Variants in KAZN observed in about 807,000 individuals in gnomAD.
KAZN encodes the protein kazrin.
In KAZN, 40 loss-of-function variants were observed where a neutral mutation model predicts 87.4. That is an observed-to-expected ratio of 0.46 (90% CI 0.36 to 0.60). KAZN has a LOEUF of 0.60. KAZN is among the 20% of genes least tolerant of loss of function. KAZN has a pLI of 0.00. For missense variants in KAZN, 898 were observed against 1,073.9 expected, an observed-to-expected ratio of 0.84 and a Z score of 2.29; for synonymous variants, 466 against 458.3, an observed-to-expected ratio of 1.02 and a Z score of -0.22.
chr1:13,895,973 T>A (rs1639025349), intron 1 of KAZN, among the ~76,000 whole-genome samples: 1 of 148,078 alleles, frequency 6.8e-6, no homozygotes, highest in South Asian at 2.2e-4. Context: ...ACATAAACTA[T>A]CTCCTGTAAT....
At chr1:13,944,028 C>G (rs991785756) in intron 1 of KAZN, among the ~76,000 whole-genome samples, 2 of 152,162 alleles carry the variant, frequency 1.3e-5, no homozygotes, top group Non-Finnish European at 2.9e-5. Context: ...TGGCTATCTA[C>G]CCAAGAGGAA....
chr1:14,395,173 AAAGG>A (rs1369158099), intron 2 of KAZN, among the ~76,000 whole-genome samples: 2 of 144,340 alleles, frequency 1.4e-5, no homozygotes, highest in African/African-American at 2.5e-5. Flanking sequence ...GAGTAAAAGA[AAAGG>A]AAGAAAAGAG....
At chr1:14,919,818 T>A (rs12135456) in intron 1 of KAZN, among the ~76,000 whole-genome samples, 20,675 of 152,226 alleles carry the variant, frequency 0.14, 1,640 homozygotes, top group South Asian at 0.27. Context: ...ATATAAAAAC[T>A]TACCATCGTG....
At chr1:14,982,417 ATTTTTTTT>A (rs71000353) in intron 2 of KAZN, among the ~76,000 whole-genome samples, 58 of 64,832 alleles carry the variant, frequency 8.9e-4, no homozygotes, top group South Asian at 2.8e-3. Flanking sequence ...AGCACCTGAG[ATTTTTTTT>A]TTTTTTTTTT....
At chr1:13,941,232 TA>T (rs1386356814) in intron 1 of KAZN, among the ~76,000 whole-genome samples, 1 of 150,298 alleles carries the variant, frequency 6.7e-6, no homozygotes, top group Non-Finnish European at 1.5e-5. Flanking sequence ...TAAAAAGGAG[TA>T]GGGGGGAATA....
chr1:14,552,297 G>C (rs775292214), intron 2 of KAZN, among the ~76,000 whole-genome samples: 1 of 152,182 alleles, frequency 6.6e-6, no homozygotes, highest in African/African-American at 2.4e-5. Flanking sequence ...AGAAAGATCC[G>C]GCTAGCAGAG....
At chr1:14,475,478 A>G (rs936753276) in intron 2 of KAZN, among the ~76,000 whole-genome samples, 1 of 152,176 alleles carries the variant, frequency 6.6e-6, no homozygotes, top group Non-Finnish European at 1.5e-5. Context: ...TCGATTTGCA[A>G]CTTTCAAGTT....
chr1:14,477,725 G>A (rs1163171772), intron 2 of KAZN, among the ~76,000 whole-genome samples: 1 of 152,104 alleles, frequency 6.6e-6, no homozygotes, highest in Non-Finnish European at 1.5e-5. Flanking sequence ...GTGCCCTGGG[G>A]TGAAAGGCAT....
chr1:14,793,085 G>A (rs990221327), intron 1 of KAZN, among the ~76,000 whole-genome samples: 4 of 152,152 alleles, frequency 2.6e-5, no homozygotes, highest in South Asian at 2.1e-4. Flanking sequence ...ATGTTAAGGC[G>A]GTGGAGGCCA....
At chr1:14,290,410 C>T (rs1253832310) in intron 2 of KAZN, among the ~76,000 whole-genome samples, 16 of 152,270 alleles carry the variant, frequency 1.1e-4, no homozygotes, top group Non-Finnish European at 1.9e-4. Flanking sequence ...TCTCTTCCTG[C>T]TTTATTTCAT....
intron 2 of KAZN, among the ~76,000 whole-genome samples, chr1:14,516,400 A>G (rs961850920): frequency 1.3e-5 from 2 of 152,212 alleles, no homozygotes; most frequent in Admixed American, 6.5e-5. Context: ...CCTTGGATGT[A>G]GAGAGAGGAA....
At chr1:13,893,165 C>T (rs907447522) in exon 1 of KAZN, 4 of 152,266 alleles carry the variant, frequency 2.6e-5, no homozygotes, top group Admixed American at 1.3e-4. Flanking sequence ...GCCAGCTCCC[C>T]GGGGACCCTG....
At chr1:14,291,664 G>A (rs900150169) in intron 2 of KAZN, among the ~76,000 whole-genome samples, 1 of 152,166 alleles carries the variant, frequency 6.6e-6, no homozygotes, top group East Asian at 1.9e-4. Flanking sequence ...GCCCTGCCCT[G>A]TTTCAGCTCA....
intron 1 of KAZN, among the ~76,000 whole-genome samples, chr1:14,693,094 A>G (rs1308532099): frequency 1.3e-5 from 2 of 152,224 alleles, no homozygotes; most frequent in Non-Finnish European, 2.9e-5. Context: ...TTTGGTGTCC[A>G]AAAGCTCCAT....
At chr1:14,102,901 T>C (rs539682166) in intron 1 of KAZN, among the ~76,000 whole-genome samples, 2 of 150,254 alleles carry the variant, frequency 1.3e-5, no homozygotes, top group Admixed American at 6.7e-5. Flanking sequence ...CACATTTGAA[T>C]ACTAATCTCT....
intron 1 of KAZN, among the ~76,000 whole-genome samples, chr1:14,155,979 T>C (rs1445539504): frequency 1.3e-5 from 2 of 152,140 alleles, no homozygotes; most frequent in South Asian, 2.1e-4. Flanking sequence ...TTACAGCTTA[T>C]AAACTTCCCT....
rs550695358 is a variant in KAZN, at chr1:14,933,164, T to C, written c.227-27520T>C. On this transcript the variant is annotated intron_variant, in intron 1 of 14. Coordinates refer to ENST00000376030, the MANE Select transcript of KAZN (RefSeq NM_201628.3). ...TGGAGTCCAATGGCACAATCTTGGC[T>C]CACCGCAACCTCTGCCTCCTGGGTT... Among the ~76,000 whole-genome samples the C allele has an allele frequency of 2.0e-5, 3 of 152,320 alleles. No homozygotes were observed. In the South Asian group the frequency reaches 6.2e-4, roughly 32 times the overall value.
At chr1:14,482,279 C>A (rs1669126396) in intron 2 of KAZN, among the ~76,000 whole-genome samples, 1 of 152,154 alleles carries the variant, frequency 6.6e-6, no homozygotes, top group Admixed American at 6.5e-5. Context: ...GACTGGGGAG[C>A]CAGGGCCCAA....
At chr1:14,839,116 C>T (rs1218880438) in intron 1 of KAZN, among the ~76,000 whole-genome samples, 4 of 152,176 alleles carry the variant, frequency 2.6e-5, no homozygotes, top group Non-Finnish European at 5.9e-5. Context: ...GCCTGTCCTG[C>T]CACTTCGGAG....
Sources: gnomAD v4.1 joint callset for allele counts (sites outside exome capture counted in the v4.1 genomes callset) on GRCh38, gnomAD v4.1.1 for gene constraint, MANE v1.5 for transcripts, NCBI Gene and HGNC (gene_info 2026-07-23, HGNC 2026-07-21) for gene names.